The following TSHZ2 variants were observed in gnomAD, a reference collection of about 807,000 sequenced individuals.
TSHZ2 encodes the protein teashirt zinc finger homeobox 2.
Under a neutral mutation model 74.4 loss-of-function variants are expected in TSHZ2, and 21 were observed. The observed-to-expected ratio is 0.28, with a 90% confidence interval of 0.20 to 0.41. The LOEUF is 0.41. Ranked by LOEUF, TSHZ2 falls within the 10% of genes least tolerant of loss-of-function variation. TSHZ2 has a pLI of 1.00. For missense variants in TSHZ2, 1,244 were observed against 1,293.5 expected, an observed-to-expected ratio of 0.96 and a Z score of 0.59; for synonymous variants, 540 against 515.3, an observed-to-expected ratio of 1.05 and a Z score of -0.65.
At chr20:53,180,708 A>T (rs866480768) in intron 1 of TSHZ2, among the ~76,000 whole-genome samples, 1 of 152,178 alleles carries the variant, frequency 6.6e-6, no homozygotes, top group Non-Finnish European at 1.5e-5. Flanking sequence ...CCCAGATGTC[A>T]CCAAAGCAGA....
intron 1 of TSHZ2, among the ~76,000 whole-genome samples, chr20:53,103,528 CAG>C (rs1293552734): frequency 1.3e-5 from 2 of 151,820 alleles, no homozygotes; most frequent in African/African-American, 4.8e-5. Context: ...GTAGGGAAAG[CAG>C]AGAGAGTGCT....
chr20:52,989,333 A>G (rs2122909815), intron 1 of TSHZ2, among the ~76,000 whole-genome samples: 1 of 152,350 alleles, frequency 6.6e-6, no homozygotes, highest in East Asian at 1.9e-4. Flanking sequence ...TAATCTAATA[A>G]GAAATGGAAT....
intron 2 of TSHZ2, among the ~76,000 whole-genome samples, chr20:53,447,631 A>C (rs1984603979): frequency 6.6e-6 from 1 of 152,094 alleles, no homozygotes; most frequent in South Asian, 2.1e-4. Context: ...TTCCCTTTCC[A>C]TCTGTGACTG....
In TSHZ2 at chr20:53,488,763, A is replaced by G. The variant is rs1045181104; in HGVS notation, c.*1628A>G. 6.2e-6 allele frequency: 2 copies of G among 320,952 alleles called. No homozygotes were observed. Among genetic ancestry groups the G allele is most frequent in the Non-Finnish European group, 1.2e-5 (2 of 165,014 alleles). 19.9% of individuals were successfully genotyped at this position (320,952 alleles called of 1,614,324 possible). On this transcript the variant is annotated 3_prime_UTR_variant, in exon 3 of 3. Coordinates refer to ENST00000371497, the MANE Select transcript of TSHZ2 (RefSeq NM_173485.6). ...TGAAACCAAATATCTCTTCCTCACCATTTCTCAAGGAGGCTGCCTGTTGGA... is the reference window on the plus strand; with the variant it reads ...TGAAACCAAATATCTCTTCCTCACCGTTTCTCAAGGAGGCTGCCTGTTGGA...
intron 1 of TSHZ2, among the ~76,000 whole-genome samples, chr20:53,232,850 TCTAAG>T (rs1989859522): frequency 6.6e-6 from 1 of 152,212 alleles, no homozygotes; most frequent in Non-Finnish European, 1.5e-5. Context: ...CTGTATTTTA[TCTAAG>T]CTAAGAGGCC....
chr20:53,261,554 T>C (rs1310040581), intron 2 of TSHZ2, among the ~76,000 whole-genome samples: 1 of 152,212 alleles, frequency 6.6e-6, no homozygotes, highest in African/African-American at 2.4e-5. Context: ...AACAAATGCA[T>C]CGTCTTCCTT....
At chr20:53,128,801 T>C (rs539321078) in intron 1 of TSHZ2, among the ~76,000 whole-genome samples, 2 of 152,252 alleles carry the variant, frequency 1.3e-5, no homozygotes, top group South Asian at 4.1e-4. Flanking sequence ...TTTGTATTTT[T>C]AGTAGAGATT....
intron 2 of TSHZ2, among the ~76,000 whole-genome samples, chr20:53,308,695 G>A (rs1978650113): frequency 6.6e-6 from 1 of 152,142 alleles, no homozygotes. Context: ...ATACATTTTT[G>A]TGCCCACATA....
At chr20:53,166,217 C>T (rs1988058002) in intron 1 of TSHZ2, among the ~76,000 whole-genome samples, 1 of 152,164 alleles carries the variant, frequency 6.6e-6, no homozygotes, top group Non-Finnish European at 1.5e-5. Flanking sequence ...GCAGTTTCAA[C>T]ATATTCTATT....
At chr20:53,292,748 A>G (rs185392961) in intron 2 of TSHZ2, among the ~76,000 whole-genome samples, 542 of 152,226 alleles carry the variant, frequency 3.6e-3, no homozygotes, top group African/African-American at 0.012. Flanking sequence ...GAAGCTAACA[A>G]TCTGTTGAGA....
intron 2 of TSHZ2, among the ~76,000 whole-genome samples, chr20:53,315,933 A>T (rs998731231): frequency 6.6e-6 from 1 of 152,134 alleles, no homozygotes; most frequent in African/African-American, 2.4e-5. Flanking sequence ...GGTGTTCCAT[A>T]GGTGAAAGAA....
intron 1 of TSHZ2, among the ~76,000 whole-genome samples, chr20:52,979,012 T>C (rs1381803745): frequency 6.6e-6 from 1 of 152,170 alleles, no homozygotes; most frequent in Non-Finnish European, 1.5e-5. Context: ...TCACATTCCT[T>C]AGGGTGATCT....
chr20:53,123,406 C>T (rs1344087335), intron 1 of TSHZ2, among the ~76,000 whole-genome samples: 2 of 152,136 alleles, frequency 1.3e-5, no homozygotes, highest in African/African-American at 4.8e-5. Flanking sequence ...CTGGACTGGA[C>T]TCACTGACAT....
At chr20:52,996,556 A>T (rs1600636729) in intron 1 of TSHZ2, among the ~76,000 whole-genome samples, 1 of 152,178 alleles carries the variant, frequency 6.6e-6, no homozygotes, top group East Asian at 1.9e-4. Context: ...GTTGAGAAAG[A>T]GTTTGTCTGA....
chr20:52,998,171 T>G (rs929819344), intron 1 of TSHZ2, among the ~76,000 whole-genome samples: 2 of 146,976 alleles, frequency 1.4e-5, no homozygotes, highest in South Asian at 2.1e-4. Context: ...CAGCTGTGCC[T>G]TCTTCTTTTT....
intron 1 of TSHZ2, among the ~76,000 whole-genome samples, chr20:53,084,361 G>GT (rs953168356): frequency 3.8e-4 from 58 of 152,132 alleles, no homozygotes; most frequent in Non-Finnish European, 2.1e-4. Context: ...TTTTGTCGGG[G>GT]TTTTTTCCAC....
chr20:53,278,366 C>T (rs1201646570), intron 2 of TSHZ2, among the ~76,000 whole-genome samples: 1 of 152,158 alleles, frequency 6.6e-6, no homozygotes, highest in African/African-American at 2.4e-5. Flanking sequence ...TGTCATCTCT[C>T]CTCACACTCT....
chr20:53,106,391 C>CTTTTTTTTTTTT lies in TSHZ2; in HGVS notation c.40+133078_40+133089dup, dbSNP rs71194458. Among the ~76,000 whole-genome samples the CTTTTTTTTTTTT allele has an allele frequency of 7.5e-4, 44 of 58,978 alleles. 7 individuals carry two copies. Among genetic ancestry groups the CTTTTTTTTTTTT allele is most frequent in the African/African-American group, 2.3e-3 (33 of 14,282 alleles). 38.7% of individuals were successfully genotyped at this position (58,978 alleles called of 152,430 possible). A position where few individuals can be genotyped will look rare whatever the true frequency, so the allele number is the denominator to read the frequency against. Reference sequence around the variant, plus strand: ...TTCCTCTAGGGCCTTCTCACACTTTCTTTTTTTTTTTTTTTTTTTTTTTTT... The same window carrying CTTTTTTTTTTTT: ...TTCCTCTAGGGCCTTCTCACACTTTCTTTTTTTTTTTTTTTTTTTTTTTTTTTTTTTTTTTTT... On this transcript the variant is annotated intron_variant, in intron 1 of 2. Transcript: ENST00000371497.
At chr20:53,095,748 G>A (rs191917694) in intron 1 of TSHZ2, among the ~76,000 whole-genome samples, 134 of 152,228 alleles carry the variant, frequency 8.8e-4, no homozygotes, top group African/African-American at 3.1e-3. Flanking sequence ...TGTGATGCCA[G>A]TGGCATCTCC....
Sources: allele counts gnomAD v4.1 joint callset (sites outside exome capture counted in the v4.1 genomes callset), GRCh38; gene constraint gnomAD v4.1.1; transcripts MANE v1.5; gene names NCBI Gene and HGNC (gene_info 2026-07-23, HGNC 2026-07-21).